OCA2: variants seen among roughly 807,000 people sequenced by gnomAD.
OCA2 encodes the protein OCA2 melanosomal transmembrane protein.
A neutral mutation model predicts 100.2 loss-of-function variants in OCA2; 77 were observed. The ratio of observed to expected loss-of-function variants is 0.77; its 90% confidence interval spans 0.64 to 0.93. OCA2 has a LOEUF of 0.93. Ranked by LOEUF, OCA2 falls within the 40% of genes least tolerant of loss-of-function variation. OCA2 has a pLI of 0.00. For missense variants in OCA2, 1,062 were observed against 1,089.1 expected, an observed-to-expected ratio of 0.98 and a Z score of 0.35; for synonymous variants, 432 against 439.2, an observed-to-expected ratio of 0.98 and a Z score of 0.21.
At chr15:27,732,638 T>G in the OCA2 span, among the ~76,000 whole-genome samples, 1 of 152,286 alleles carries the variant, frequency 6.6e-6, no homozygotes, top group African/African-American at 2.4e-5. Context: ...TGTATTGCTG[T>G]GCAGGCTGGG....
intron 23 of OCA2, among the ~76,000 whole-genome samples, chr15:27,801,550 CAAAAA>C (rs34636608): frequency 6.1e-4 from 23 of 37,838 alleles, no homozygotes; most frequent in Non-Finnish European, 1.2e-3. Context: ...GACTCGGTCT[CAAAAA>C]AAAAAAAAAA....
At chr15:27,954,159 A>ACACACAC (rs147024497) in intron 17 of OCA2, among the ~76,000 whole-genome samples, 2 of 54,996 alleles carry the variant, frequency 3.6e-5, no homozygotes, top group African/African-American at 7.2e-5. Context: ...ACACACACAC[A>ACACACAC]CCTAGGGTCA....
intron 9 of OCA2, among the ~76,000 whole-genome samples, chr15:28,009,295 T>C (rs2042172081): frequency 6.6e-6 from 1 of 152,184 alleles, no homozygotes; most frequent in Non-Finnish European, 1.5e-5. Context: ...AAATTTATAT[T>C]TGCAAGTTAC....
intron 2 of OCA2, 63 bp downstream of exon 2, chr15:28,081,585 T>C: frequency 2.0e-6 from 3 of 1,501,734 alleles, no homozygotes; most frequent in Non-Finnish European, 2.8e-6. Flanking sequence ...GGGGGAACGA[T>C]GCTCATGGAA....
chr15:27,845,479 G>C (rs1431352506), intron 22 of OCA2, among the ~76,000 whole-genome samples: 1 of 152,152 alleles, frequency 6.6e-6, no homozygotes, highest in Non-Finnish European at 1.5e-5. Flanking sequence ...TGGATGAAAG[G>C]ATAGGTAAAA....
At chr15:27,835,433 C>A (rs1297300318) in intron 23 of OCA2, among the ~76,000 whole-genome samples, 1 of 152,204 alleles carries the variant, frequency 6.6e-6, no homozygotes, top group Non-Finnish European at 1.5e-5. Flanking sequence ...GCCCCCACAA[C>A]CTGGACAGGA....
intron 23 of OCA2, among the ~76,000 whole-genome samples, chr15:27,789,495 T>C (rs945846025): frequency 1.3e-5 from 2 of 152,184 alleles, no homozygotes; most frequent in African/African-American, 4.8e-5. Context: ...ATTGTTCTTA[T>C]TGTATTCTTA....
At chr15:27,913,831 AAAGAAAGG>A (rs2038501151) in intron 19 of OCA2, among the ~76,000 whole-genome samples, 2 of 68,250 alleles carry the variant, frequency 2.9e-5, no homozygotes, top group African/African-American at 5.4e-5. Context: ...AGAAAGAAAG[AAAGAAAGG>A]AAAGAAAGAA....
chr15:28,054,182 A>G (rs7179458), intron 2 of OCA2, among the ~76,000 whole-genome samples: 3 of 152,096 alleles, frequency 2.0e-5, no homozygotes, highest in Non-Finnish European at 4.4e-5. Flanking sequence ...ATATGTGTGT[A>G]TGGGTATGTG....
chr15:27,990,710 C>A (rs956493092), intron 9 of OCA2, 63 bp from the exon 10 acceptor site: 4 of 1,397,746 alleles, frequency 2.9e-6, no homozygotes, highest in Non-Finnish European at 4.1e-6. Context: ...CACACGAAAG[C>A]CTGTGTGGAC....
At chr15:27,740,535 A>G in the OCA2 span, among the ~76,000 whole-genome samples, 1 of 152,176 alleles carries the variant, frequency 6.6e-6, no homozygotes, top group Non-Finnish European at 1.5e-5. Flanking sequence ...TAATTCATCA[A>G]TTTAGTCAAC....
At chr15:27,768,074 C>A (rs1480160178) in intron 23 of OCA2, among the ~76,000 whole-genome samples, 4 of 152,088 alleles carry the variant, frequency 2.6e-5, no homozygotes, top group Non-Finnish European at 4.4e-5. Flanking sequence ...GGCAGACTTG[C>A]AGCTGTGACC....
intron 19 of OCA2, chr15:27,896,638 CAAA>C (rs58489908): frequency 0.35 from 49,733 of 141,426 alleles, 8,264 homozygotes; most frequent in South Asian, 0.61. Context: ...TTATTGACAG[CAAA>C]AAAAAAAAAA....
In OCA2 at chr15:28,043,152, A is replaced by G. The variant is rs2043254597; in HGVS notation, c.228-10989T>C. Among the ~76,000 whole-genome samples the G allele has an allele frequency of 2.0e-5, 3 of 152,218 alleles. No individual in the cohort carries two copies. Among genetic ancestry groups the G allele is most frequent in the Admixed American group, 2.0e-4 (3 of 15,282 alleles). On this transcript the variant is annotated intron_variant, in intron 2 of 23. Transcript: ENST00000354638. The surrounding 1 kb of genome is among the most constrained non-coding windows in gnomAD (Gnocchi z 4.4). ...GAGGTATTCACTGAGAAATATTTAC[A>G]GGAGCAATTTTAGGATTACTTGGAT...
At chr15:27,913,802 AC>A (rs1439102512) in intron 19 of OCA2, among the ~76,000 whole-genome samples, 6 of 118,228 alleles carry the variant, frequency 5.1e-5, no homozygotes, top group Admixed American at 1.0e-4. Flanking sequence ...CAGAGACACA[AC>A]AAAAAAAAAA....
Position 27,786,944 on chromosome 15 carries a change from G to A in OCA2, c.2433-31472C>T, listed in dbSNP as rs59238784. ...TTTTGTAGACAGCCTTTACCAGGCT[G>A]GGGATGTTCCCTTCTATTTCTACTG... On this transcript the variant is annotated intron_variant, in intron 23 of 23. Coordinates refer to ENST00000354638, the MANE Select transcript of OCA2 (RefSeq NM_000275.3). 2.5e-3 allele frequency among the ~76,000 whole-genome samples: 377 copies of A among 152,202 alleles called. 15 individuals carry two copies. The East Asian group carries it at 0.071, about 29-fold the overall frequency.
At position 27,975,371 on chromosome 15, in the gene OCA2, C is replaced by T. The variant is rs115906160; in HGVS notation, c.1503+7974G>A. On this transcript the variant is annotated intron_variant, in intron 14 of 23. Coordinates refer to ENST00000354638, the MANE Select transcript of OCA2 (RefSeq NM_000275.3). ...CATCTTCACTTGAACTATTTTTCTA[C>T]CTATTCTACTACAACTTAGGTTTTC... Among the ~76,000 whole-genome samples the T allele has an allele frequency of 1.7e-3, 253 of 152,284 alleles. 1 individual carries two copies. Among genetic ancestry groups the T allele is most frequent in the African/African-American group, 6.0e-3 (249 of 41,562 alleles).
intron 9 of OCA2, among the ~76,000 whole-genome samples, chr15:27,994,833 T>C (rs1446740116): frequency 1.3e-5 from 2 of 152,100 alleles, no homozygotes; most frequent in African/African-American, 4.8e-5. Flanking sequence ...TGCCCCTCCA[T>C]AGTCACACAG....
intron 2 of OCA2, among the ~76,000 whole-genome samples, chr15:28,074,975 A>AT (rs2044386825): frequency 3.3e-5 from 5 of 152,252 alleles, no homozygotes; most frequent in African/African-American, 1.2e-4. Context: ...GGACATCTAT[A>AT]AGCAAAATAT....
Sources: allele counts gnomAD v4.1 joint callset (sites outside exome capture counted in the v4.1 genomes callset), GRCh38; gene constraint gnomAD v4.1.1; non-coding constraint Gnocchi (gnomAD v3.1); transcripts MANE v1.5; gene names NCBI Gene and HGNC (gene_info 2026-07-23, HGNC 2026-07-21).